CENPW: variants seen among roughly 807,000 people sequenced by gnomAD.
The protein encoded by CENPW is cancer-up-regulated gene 2 protein.
A neutral mutation model predicts 11.1 loss-of-function variants in CENPW; 3 were observed. The observed-to-expected ratio is 0.27, with a 90% confidence interval of 0.12 to 0.70. CENPW has a LOEUF of 0.70. Ranked by LOEUF, CENPW falls within the 30% of genes least tolerant of loss-of-function variation. The probability of loss-of-function intolerance (pLI) is 0.77; values close to 1 mark genes in which losing one functional copy is unlikely to be tolerated. For synonymous variants in CENPW, 38 were observed against 42.0 expected, an observed-to-expected ratio of 0.91 and a Z score of 0.37; for missense variants, 100 against 105.6, an observed-to-expected ratio of 0.95 and a Z score of 0.23.
chr6:126,389,323 C>G, the CENPW span, among the ~76,000 whole-genome samples: 1 of 151,766 alleles, frequency 6.6e-6, no homozygotes, highest in Non-Finnish European at 1.5e-5. Context: ...TGTAAGAGTA[C>G]TTTGTTTTTT....
chr6:126,482,471 A>G, the CENPW span, among the ~76,000 whole-genome samples: 3 of 151,914 alleles, frequency 2.0e-5, no homozygotes, highest in Non-Finnish European at 2.9e-5. Flanking sequence ...TTTTCCTATG[A>G]AAGTCTTGTT....
the CENPW span, among the ~76,000 whole-genome samples, chr6:126,423,975 C>A: frequency 6.6e-6 from 1 of 151,704 alleles, no homozygotes; most frequent in African/African-American, 2.4e-5. Context: ...AAAGTTGTTA[C>A]TTTTAAATAA....
Position 126,340,198 on chromosome 6 carries a change from G to A in CENPW, c.-76G>A. 7.2e-7 allele frequency: 1 copy of A among 1,388,096 alleles called. No individual in the cohort carries two copies. The highest frequency in any genetic ancestry group is 1.2e-5 in the South Asian group (1 of 82,188). 86.0% of individuals were successfully genotyped at this position (1,388,096 alleles called of 1,614,324 possible). ...CATACGGACCGGATTGTTTTCGCTG[G>A]CCCAGTGTCCCCGGAGCTTGTGTGC... On this transcript the variant is annotated 5_prime_UTR_variant, in exon 1 of 3. Coordinates refer to ENST00000368328, the MANE Select transcript of CENPW (RefSeq NM_001012507.4).
chr6:126,428,292 C>T, the CENPW span, among the ~76,000 whole-genome samples: 1 of 152,088 alleles, frequency 6.6e-6, no homozygotes, highest in Non-Finnish European at 1.5e-5. Context: ...GATAAAAATG[C>T]AGAAGTGTTT....
intron 1 of CENPW, among the ~76,000 whole-genome samples, chr6:126,342,681 C>T (rs1213283356): frequency 1.3e-5 from 2 of 152,080 alleles, no homozygotes; most frequent in Non-Finnish European, 2.9e-5. Flanking sequence ...AAGGATCAAT[C>T]TTATCTTCTT....
chr6:126,374,935 A>T, the CENPW span, among the ~76,000 whole-genome samples: 8 of 152,302 alleles, frequency 5.3e-5, no homozygotes, highest in Admixed American at 4.6e-4. Flanking sequence ...GCTCTGGAAA[A>T]AGATAAGTCT....
At chr6:126,401,402 C>T in the CENPW span, among the ~76,000 whole-genome samples, 1 of 151,868 alleles carries the variant, frequency 6.6e-6, no homozygotes, top group Non-Finnish European at 1.5e-5. Context: ...GCTTGCTAGC[C>T]TAGTGAAGTG....
chr6:126,342,907 A>C (rs1780340574), intron 1 of CENPW, among the ~76,000 whole-genome samples: 1 of 152,116 alleles, frequency 6.6e-6, no homozygotes, highest in African/African-American at 2.4e-5. Context: ...TTATTTTATT[A>C]TTCTTCACTG....
chr6:126,378,636 G>T, the CENPW span, among the ~76,000 whole-genome samples: 2 of 152,070 alleles, frequency 1.3e-5, no homozygotes, highest in African/African-American at 2.4e-5. Context: ...AGCACTTTGG[G>T]TTCATAAAAC....
chr6:126,370,801 G>A, the CENPW span, among the ~76,000 whole-genome samples: 1 of 151,380 alleles, frequency 6.6e-6, no homozygotes, highest in Non-Finnish European at 1.5e-5. Flanking sequence ...CACCCAGGCT[G>A]GAGTGCAGTG....
the CENPW span, among the ~76,000 whole-genome samples, chr6:126,415,915 T>G: frequency 6.6e-6 from 1 of 151,972 alleles, no homozygotes; most frequent in South Asian, 2.1e-4. Context: ...TTGGTACCAG[T>G]AGAGTGGGGT....
At chr6:126,422,520 G>A in the CENPW span, among the ~76,000 whole-genome samples, 1 of 151,964 alleles carries the variant, frequency 6.6e-6, no homozygotes, top group Non-Finnish European at 1.5e-5. Flanking sequence ...TTGTTATAAG[G>A]ACCCAAACTT....
At chr6:126,456,238 A>G in the CENPW span, among the ~76,000 whole-genome samples, 2 of 151,544 alleles carry the variant, frequency 1.3e-5, no homozygotes, top group Non-Finnish European at 3.0e-5. Flanking sequence ...AAGAGCTTGA[A>G]TAGCCAAGGC....
At chr6:126,413,902 A>G in the CENPW span, among the ~76,000 whole-genome samples, 1 of 151,958 alleles carries the variant, frequency 6.6e-6, no homozygotes, top group Non-Finnish European at 1.5e-5. Flanking sequence ...AAATGACCCA[A>G]CTATATGCTA....
chr6:126,408,439 G>A, the CENPW span, among the ~76,000 whole-genome samples: 5 of 152,052 alleles, frequency 3.3e-5, no homozygotes, highest in East Asian at 1.9e-4. Flanking sequence ...TCACTATCAC[G>A]AGAACAGCAT....
At chr6:126,355,587 A>G in the CENPW span, among the ~76,000 whole-genome samples, 1 of 152,044 alleles carries the variant, frequency 6.6e-6, no homozygotes, top group Non-Finnish European at 1.5e-5. Flanking sequence ...TGTTATACTG[A>G]TATTTTAAGT....
chr6:126,456,266 A>T, the CENPW span, among the ~76,000 whole-genome samples: 3 of 151,384 alleles, frequency 2.0e-5, no homozygotes, highest in Non-Finnish European at 4.4e-5. Context: ...AGCAAAACAT[A>T]CAAAGATGGA....
chr6:126,446,957 T>A, the CENPW span, among the ~76,000 whole-genome samples: 1 of 151,230 alleles, frequency 6.6e-6, no homozygotes, highest in Non-Finnish European at 1.5e-5. Context: ...TATCCAAGTT[T>A]GATACAGATC....
the CENPW span, among the ~76,000 whole-genome samples, chr6:126,362,934 G>T: frequency 1.3e-5 from 2 of 152,166 alleles, no homozygotes; most frequent in African/African-American, 4.8e-5. Context: ...TTTGTATGGA[G>T]CTGGGACAGT....
Sources: gnomAD v4.1 joint callset for allele counts (sites outside exome capture counted in the v4.1 genomes callset) on GRCh38, gnomAD v4.1.1 for gene constraint, MANE v1.5 for transcripts, NCBI Gene and HGNC (gene_info 2026-07-23, HGNC 2026-07-21) for gene names.